Variants in KMT2B observed in about 807,000 individuals in gnomAD.
The protein encoded by KMT2B is lysine methyltransferase 2B.
A neutral mutation model predicts 255.3 loss-of-function variants in KMT2B; 22 were observed. The observed-to-expected ratio is 0.09, with a 90% CI of 0.06 to 0.12. KMT2B has a LOEUF of 0.12. Ranked by LOEUF, KMT2B falls within the 10% of genes least tolerant of loss-of-function variation. The probability of loss-of-function intolerance (pLI) is 1.00; values close to 1 mark genes in which losing one functional copy is unlikely to be tolerated. For missense variants in KMT2B, 3,149 were observed against 3,737.0 expected, an observed-to-expected ratio of 0.84 and a Z score of 4.10; for synonymous variants, 1,730 against 1,498.1, an observed-to-expected ratio of 1.15 and a Z score of -3.57.
In KMT2B at chr19:35,723,520, G is replaced by T; in HGVS notation, c.3058+18G>T. The T allele has an allele frequency of 6.4e-7, 1 of 1,557,190 alleles. No individual in the cohort carries two copies. The highest frequency in any genetic ancestry group is 8.7e-7 in the Non-Finnish European group (1 of 1,151,076). On this transcript the variant is annotated intron_variant, in intron 7 of 36. Transcript: ENST00000420124. The surrounding 1 kb of genome is among the most constrained non-coding windows in gnomAD (Gnocchi z 7.5). The stretch of plus-strand genomic sequence containing the variant: ...TAAAAAAGGTGACGAGCTTTAAGGA[G>T]CATTTCTTCTCAAAACCGTGTTAGA...
rs923041517 is a variant in KMT2B, at chr19:35,718,179, C to T, written c.161C>T (p.Thr54Met). Residue 54 changes from threonine (T) to methionine (M), a missense_variant, in exon 1 of 37, where the codon ACG becomes ATG. Coordinates refer to ENST00000420124, the MANE Select transcript of KMT2B (RefSeq NM_014727.3). This position sits in a 1 kb window ranked among gnomAD's most constrained non-coding sequence, Gnocchi z 5.0. ...RVALRRGGGA[T>M]GPGGAEPGED... ...GCTCTGCGGCGCGGCGGTGGCGCGA[C>T]GGGGCCGGGCGGAGCCGAGCCCGGG... The T allele has an allele frequency of 1.2e-5, 13 of 1,108,412 alleles. No individual in the cohort carries two copies. The highest frequency in any genetic ancestry group is 1.4e-5 in the Non-Finnish European group (13 of 909,808). 68.7% of individuals were successfully genotyped at this position (1,108,412 alleles called of 1,614,324 possible).
intron 30 of KMT2B, 64 bp from the exon 31 acceptor site, chr19:35,736,626 G>C (rs146263614): frequency 6.3e-7 from 1 of 1,588,024 alleles, no homozygotes; most frequent in Non-Finnish European, 8.6e-7. Context: ...GGAGCACAGC[G>C]GGGCTCAGGG....
Position 35,727,256 on chromosome 19 carries a change from C to T in KMT2B, c.4104C>T (p.Cys1368=), listed in dbSNP as rs751697082. 1.2e-5 allele frequency: 20 copies of T among 1,612,524 alleles called. No individual in the cohort carries two copies. Among genetic ancestry groups the T allele is most frequent in the Admixed American group, 5.0e-5 (3 of 59,916 alleles). The change falls in exon 15 of 37, where the codon TGC becomes TGT. Residue 1368 remains cysteine (C), a synonymous_variant. Transcript: ENST00000420124. The surrounding 1 kb of genome is among the most constrained non-coding windows in gnomAD (Gnocchi z 4.2). ...GCGATCACTGGGTGCATGCCAAGTG[C>T]GAGGGGCTCTCAGGTGAGTCAGTGG... The part of the protein sequence containing the change: ...AQCDHWVHAK[C]EGLSDEDYEI...
chr19:35,733,368 C>T lies in KMT2B; in HGVS notation c.6819C>T (p.Arg2273=). The T allele has an allele frequency of 2.6e-6, 4 of 1,549,238 alleles. No individual in the cohort carries two copies. Among genetic ancestry groups the T allele is most frequent in the Non-Finnish European group, 3.5e-6 (4 of 1,146,378 alleles). ...VLSSGPASPP[R]QAIRVKRVST... ...GCAGTGGGCCAGCCAGCCCGCCCCG[C>T]CAGGCCATCCGCGTCAAGAGGGTGT... The change falls in exon 28 of 37, where the codon CGC becomes CGT. Residue 2273 remains arginine, a synonymous_variant. Transcript: ENST00000420124. The surrounding 1 kb of genome is among the most constrained non-coding windows in gnomAD (Gnocchi z 4.3).
chr19:35,733,577 T>C lies in KMT2B; in HGVS notation c.6960-20T>C, dbSNP rs1206699016. ...ATGGGCGGGAGATGCGGCTCATCCT[T>C]CTCGGGCTCGCCCTCCCAGGTTTAG... On this transcript the variant is annotated intron_variant, in intron 28 of 36. Transcript: ENST00000420124. This position sits in a 1 kb window ranked among gnomAD's most constrained non-coding sequence, Gnocchi z 4.3. 7 of 1,561,056 alleles carry C rather than the reference T, an allele frequency of 4.5e-6. No homozygotes were observed. The South Asian group carries it at 8.3e-5, about 18-fold the overall frequency.
rs776513078 is a variant in KMT2B at position 35,733,766 on chromosome 19, CCTCCAGGAA to C, written c.7055_7063del (p.Leu2352_Glu2354del). 1.9e-6 allele frequency: 3 copies of C among 1,613,228 alleles called. No individual in the cohort carries two copies. In the African/African-American group the frequency reaches 4.0e-5, roughly 22 times the overall value. ...CCTGACAGGTCTCTTCTCGCAGGCC[CCTCCAGGAA>C]CGGTCCCCTTTGCTGCCACTTCCGG... On this transcript the variant is annotated inframe_deletion, in exon 30 of 37. Coordinates refer to ENST00000420124, the MANE Select transcript of KMT2B (RefSeq NM_014727.3). This position sits in a 1 kb window ranked among gnomAD's most constrained non-coding sequence, Gnocchi z 4.3.
chr19:35,722,705 C>A lies in KMT2B; in HGVS notation c.2709C>A (p.Asp903Glu). Residue 903 changes from aspartate to glutamate, a missense_variant, in exon 5 of 37, where the codon GAC becomes GAA. Around this residue, in one of 18 missense-constraint regions of KMT2B, gnomAD observed 132 missense variants for 174.7 expected, o/e 0.76. Transcript: ENST00000420124. ...CCCTCCCTCTCCGGGATCGGCAGGA[C>A]CTCGCCACAGAGGGTAGGTGGGGAG... Reference protein sequence around the residue: ...LSALPLRDRQDLATEDTSSAS... With the variant: ...LSALPLRDRQELATEDTSSAS... 6.2e-7 allele frequency: 1 copy of A among 1,601,350 alleles called. No homozygotes were observed. The highest frequency in any genetic ancestry group is 1.7e-4 in the Middle Eastern group (1 of 5,984).
Position 35,730,566 on chromosome 19 carries a change from T to A in KMT2B, c.5226T>A (p.Thr1742=). The change falls in exon 25 of 37, where the codon ACT becomes ACA. Residue 1742 remains threonine (T), a synonymous_variant. Coordinates refer to ENST00000420124, the MANE Select transcript of KMT2B (RefSeq NM_014727.3). ...IGSIRIDSLG[T]LSDLSDCEGR... is the part of the protein sequence containing the mutation. ...CCATCCGCATTGACTCCCTGGGTAC[T>A]CTGTCTGATCTCTCGGACTGCGAGG... 6.2e-7 allele frequency: 1 copy of A among 1,614,044 alleles called. No individual in the cohort carries two copies. Among genetic ancestry groups the A allele is most frequent in the South Asian group, 1.1e-5 (1 of 91,088 alleles).
chr19:35,719,611 C>A, intron 2 of KMT2B, 70 bp downstream of exon 2: 2 of 1,518,394 alleles, frequency 1.3e-6, no homozygotes, highest in Non-Finnish European at 9.0e-7. Context: ...GTCAGCTCTT[C>A]CCTGTTCAAC....
rs763637244 is a variant in KMT2B, at chr19:35,721,002, C to G, written c.1655C>G (p.Pro552Arg). The change falls in exon 3 of 37, where the codon CCC (proline) becomes CGC (arginine). Residue 552 changes from proline (P) to arginine (R), a missense_variant. By Grantham distance (103) the Pro-to-Arg change is moderately radical (BLOSUM62 -2). Around this residue, in one of 18 missense-constraint regions of KMT2B, gnomAD observed 1,188 missense variants for 1,106.4 expected, o/e 1.07. Coordinates refer to ENST00000420124, the MANE Select transcript of KMT2B (RefSeq NM_014727.3). ...CGGCGATTTATGGATGAAGACCCCC[C>G]CAAACCCCCAAAGGTGGAGGTCTCA... ...TPRRFMDEDPPKPPKVEVSPV... is the reference protein window; with the variant it reads ...TPRRFMDEDPRKPPKVEVSPV... The G allele has an allele frequency of 1.2e-6, 2 of 1,610,508 alleles. No individual in the cohort carries two copies. Among genetic ancestry groups the G allele is most frequent in the Non-Finnish European group, 1.7e-6 (2 of 1,178,778 alleles).
intron 19 of KMT2B, 123 bp from the exon 20 acceptor site, chr19:35,728,625 AGAGGGCCTGGCTTATTTGGTGGACTG>A: frequency 1.5e-6 from 1 of 661,930 alleles, no homozygotes; most frequent in Non-Finnish European, 2.8e-6. Flanking sequence ...AGCTGGCACA[AGAGGGCCTGGCTTATTTGGTGGACTG>A]AGAGAAATTC....
In KMT2B at chr19:35,727,804, G is replaced by A. The variant is rs1426352115; in HGVS notation, c.4392+17G>A. The A allele has an allele frequency of 6.2e-7, 1 of 1,613,518 alleles. No homozygotes were observed. ...AAGTCTGTGGTGAGTGGTACACCAG[G>A]AGGAGCAGGTGGGTGGCAGGAGGAG... On this transcript the variant is annotated intron_variant, in intron 17 of 36. Transcript: ENST00000420124. This position sits in a 1 kb window ranked among gnomAD's most constrained non-coding sequence, Gnocchi z 4.2.
At position 35,721,666 on chromosome 19, in the gene KMT2B, A is replaced by T. The variant is rs769865593; in HGVS notation, c.2319A>T (p.Glu773Asp). The change falls in exon 3 of 37, where the codon GAA (glutamate) becomes GAT (aspartate). Residue 773 changes from glutamate to aspartate, a missense_variant. By Grantham distance (45) the Glu-to-Asp change is conservative. This residue lies in a region of KMT2B where 1,188 missense variants were observed against 1,106.4 expected (regional missense o/e 1.07). Coordinates refer to ENST00000420124, the MANE Select transcript of KMT2B (RefSeq NM_014727.3). Reference sequence around the variant, plus strand: ...CACCACAGCAGATGCCTCCCCTGGAAAAAGCCCGGATTGCGGGCGTGGGTT... The same window carrying T: ...CACCACAGCAGATGCCTCCCCTGGATAAAGCCCGGATTGCGGGCGTGGGTT... ...PPSPQQMPPL[E>D]KARIAGVGSL... 6 of 1,612,932 alleles carry T rather than the reference A, an allele frequency of 3.7e-6. No individual in the cohort carries two copies. Among genetic ancestry groups the T allele is most frequent in the Non-Finnish European group, 5.1e-6 (6 of 1,179,462 alleles).
At position 35,727,458 on chromosome 19, in the gene KMT2B, T is replaced by G. The variant is rs1368899154; in HGVS notation, c.4138T>G (p.Ser1380Ala). ...GLSDEDYEIL[S>A]GLPDSVLYTC... ...CCTAGATGAAGACTACGAGATCCTTTCAGGACTGCCAGACTCGGTGCTGTA... is the reference window on the plus strand; with the variant it reads ...CCTAGATGAAGACTACGAGATCCTTGCAGGACTGCCAGACTCGGTGCTGTA... The change falls in exon 16 of 37, where the codon TCA becomes GCA. Residue 1380 changes from serine (S) to alanine (A), a missense_variant. By Grantham distance (99) the Ser-to-Ala change is moderately conservative. Coordinates refer to ENST00000420124, the MANE Select transcript of KMT2B (RefSeq NM_014727.3). The surrounding 1 kb of genome is among the most constrained non-coding windows in gnomAD (Gnocchi z 4.2). 4 of 1,613,148 alleles carry G rather than the reference T, an allele frequency of 2.5e-6. No individual in the cohort carries two copies. The highest frequency in any genetic ancestry group is 3.4e-6 in the Non-Finnish European group (4 of 1,179,850).
chr19:35,734,228 G>A (rs963335815), intron 30 of KMT2B, among the ~76,000 whole-genome samples: 5 of 152,106 alleles, frequency 3.3e-5, no homozygotes, highest in African/African-American at 9.7e-5. Flanking sequence ...AGCTAGCACC[G>A]AGATGAGGGT....
rs1227037144 is a variant in KMT2B, at chr19:35,730,790, G to A, written c.5360G>A (p.Gly1787Glu). The change falls in exon 26 of 37, where the codon GGG becomes GAG. Residue 1787 changes from glycine (G) to glutamate (E), a missense_variant. Physicochemically the swap from Gly to Glu is moderately conservative, Grantham distance 98. Transcript: ENST00000420124. ...RCRILEYRPW[G>E]PREEPAHLEA... Reference sequence around the variant, plus strand: ...CGAATTCTGGAGTATCGGCCATGGGGGCCGAGGGAAGAGCCAGCTCACCTG... The same window carrying A: ...CGAATTCTGGAGTATCGGCCATGGGAGCCGAGGGAAGAGCCAGCTCACCTG... The A allele has an allele frequency of 6.2e-7, 1 of 1,613,800 alleles. No individual in the cohort carries two copies. Among genetic ancestry groups the A allele is most frequent in the Non-Finnish European group, 8.5e-7 (1 of 1,179,868 alleles).
chr19:35,729,889 A>G (rs1265429598), intron 22 of KMT2B, 78 bp from the exon 23 acceptor site: 4 of 1,426,112 alleles, frequency 2.8e-6, no homozygotes, highest in East Asian at 2.5e-5. Context: ...ACAGGGACCC[A>G]TGCAGACTCA....
Position 35,718,283 on chromosome 19 carries a change from G to C in KMT2B, c.265G>C (p.Val89Leu). 1 of 1,225,658 alleles carries C rather than the reference G, an allele frequency of 8.2e-7. No individual in the cohort carries two copies. Among genetic ancestry groups the C allele is most frequent in the Non-Finnish European group, 1.0e-6 (1 of 975,430 alleles). 75.9% of individuals were successfully genotyped at this position (1,225,658 alleles called of 1,614,324 possible). ...CCGCCGCCTGTGGGCCGGCCCGCGG[G>C]TCCAGCGGGGCCGGGGACGGGGTCG... ...RLRRLWAGPRVQRGRGRGRGR... is the reference protein window; with the variant it reads ...RLRRLWAGPRLQRGRGRGRGR... Residue 89 changes from valine to leucine, a missense_variant, in exon 1 of 37, where the codon GTC (valine) becomes CTC (leucine). Val to Leu is a conservative substitution (Grantham distance 32). Around this residue, in one of 18 missense-constraint regions of KMT2B, gnomAD observed 1,188 missense variants for 1,106.4 expected, o/e 1.07. Coordinates refer to ENST00000420124, the MANE Select transcript of KMT2B (RefSeq NM_014727.3). This position sits in a 1 kb window ranked among gnomAD's most constrained non-coding sequence, Gnocchi z 5.0.
Position 35,738,472 on chromosome 19 carries a change from A to G in KMT2B, c.8063A>G (p.Tyr2688Cys). 1 of 1,614,098 alleles carries G rather than the reference A, an allele frequency of 6.2e-7. No individual in the cohort carries two copies. The highest frequency in any genetic ancestry group is 8.5e-7 in the Non-Finnish European group (1 of 1,179,952). ...RRILRGEELTYDYKFPIEDAS... is the reference protein window; with the variant it reads ...RRILRGEELTCDYKFPIEDAS... Reference sequence around the variant, plus strand: ...ATCCTGCGTGGTGAGGAGCTCACCTACGACTACAAGTTCCCCATCGAGGAT... The same window carrying G: ...ATCCTGCGTGGTGAGGAGCTCACCTGCGACTACAAGTTCCCCATCGAGGAT... Residue 2688 changes from tyrosine to cysteine, a missense_variant, in exon 37 of 37, where the codon TAC becomes TGC. Tyr to Cys is a radical substitution (Grantham distance 194). Around this residue, in one of 18 missense-constraint regions of KMT2B, gnomAD observed 56 missense variants for 238.8 expected, o/e 0.23. Transcript: ENST00000420124. The surrounding 1 kb of genome is among the most constrained non-coding windows in gnomAD (Gnocchi z 8.7).
Sources: allele counts gnomAD v4.1 joint callset (sites outside exome capture counted in the v4.1 genomes callset), GRCh38; gene constraint gnomAD v4.1.1; regional missense constraint gnomAD v4.1.1; non-coding constraint Gnocchi (gnomAD v3.1); transcripts MANE v1.5; gene names NCBI Gene and HGNC (gene_info 2026-07-23, HGNC 2026-07-21).